DOP1A: variants seen among roughly 807,000 people sequenced by gnomAD.
The protein encoded by DOP1A is DOP1 leucine zipper like protein A.
DOP1A carries 90 observed loss-of-function variants against 267.6 expected under a neutral mutation model. The ratio of observed to expected loss-of-function variants is 0.34; its 90% CI spans 0.28 to 0.40. The LOEUF is 0.40. DOP1A is among the 10% of genes least tolerant of loss of function. The pLI is 1.00. For missense variants in DOP1A, 2,437 were observed against 2,900.4 expected, an observed-to-expected ratio of 0.84 and a Z score of 3.67; for synonymous variants, 932 against 999.1, an observed-to-expected ratio of 0.93 and a Z score of 1.27.
At position 83,153,537 on chromosome 6, in the gene DOP1A, T is replaced by A; in HGVS notation, c.6156T>A (p.Val2052=). ...SEVLAHLLDM[V]FYSDEKERVI... ...TTTTGGCTCATCTTTTGGATATGGT[T>A]TTCTATAGTGATGAAAAGGAGCGGG... Residue 2052 remains valine, a synonymous_variant, in exon 31 of 39, where the codon GTT becomes GTA. Transcript: ENST00000349129. 6.2e-7 allele frequency: 1 copy of A among 1,608,158 alleles called. No individual in the cohort carries two copies. The highest frequency in any genetic ancestry group is 8.5e-7 in the Non-Finnish European group (1 of 1,177,698).
rs371912278 is a variant in DOP1A at position 83,145,600 on chromosome 6, C to T, written c.5618C>T (p.Thr1873Ile). ...TCAATCAGTGTCATGAGAGCAGAAA[C>T]TGTTATCCAGACTGTAAAAGAAGTT... ...VRSISVMRAE[T>I]VIQTVKEVLK... Residue 1873 changes from threonine to isoleucine, a missense_variant, in exon 25 of 39, where the codon ACT (threonine) becomes ATT (isoleucine). Coordinates refer to ENST00000349129, the MANE Select transcript of DOP1A (RefSeq NM_015018.4). The T allele has an allele frequency of 1.9e-6, 3 of 1,613,250 alleles. No homozygotes were observed. Among genetic ancestry groups the T allele is most frequent in the Non-Finnish European group, 2.5e-6 (3 of 1,179,632 alleles).
At chr6:83,117,115 T>C (rs983503945) in intron 7 of DOP1A, among the ~76,000 whole-genome samples, 1 of 148,470 alleles carries the variant, frequency 6.7e-6, no homozygotes, top group Admixed American at 6.9e-5. Flanking sequence ...GTAATTTTAG[T>C]ACTTTTTTAT....
chr6:83,075,259 G>A (rs942715225), intron 1 of DOP1A, among the ~76,000 whole-genome samples: 9 of 152,064 alleles, frequency 5.9e-5, no homozygotes, highest in Admixed American at 2.6e-4. Flanking sequence ...ACTGTTTACC[G>A]TGGGTCAGGC....
chr6:83,146,415 T>A (rs1335350057), intron 25 of DOP1A, among the ~76,000 whole-genome samples: 1 of 152,228 alleles, frequency 6.6e-6, no homozygotes, highest in Non-Finnish European at 1.5e-5. Flanking sequence ...GGGAGTAAGA[T>A]GTGTGTGAAT....
chr6:83,159,977 A>G lies in DOP1A; in HGVS notation c.6962+17A>G. On this transcript the variant is annotated intron_variant, in intron 37 of 38. Transcript: ENST00000349129. Reference sequence around the variant, plus strand: ...GTTTCAGATGTAAGTAAAAGCAAGGATATTAAATGGTTATTTTTGAAAGTG... The same window carrying G: ...GTTTCAGATGTAAGTAAAAGCAAGGGTATTAAATGGTTATTTTTGAAAGTG... 1 of 1,612,276 alleles carries G rather than the reference A, an allele frequency of 6.2e-7. No homozygotes were observed. The highest frequency in any genetic ancestry group is 8.5e-7 in the Non-Finnish European group (1 of 1,179,236).
Position 83,071,953 on chromosome 6 carries a change from G to T in DOP1A, c.-147+4174G>T, listed in dbSNP as rs77791881. ...GTTAATATAATGTTTATCTGGCAAAGCTCCTGTATGAGTAGATGAGGTAAT... is the reference window on the plus strand; with the variant it reads ...GTTAATATAATGTTTATCTGGCAAATCTCCTGTATGAGTAGATGAGGTAAT... On this transcript the variant is annotated intron_variant, in intron 1 of 38. Coordinates refer to ENST00000349129, the MANE Select transcript of DOP1A (RefSeq NM_015018.4). Among the ~76,000 whole-genome samples, 375 of 152,254 alleles carry T rather than the reference G, an allele frequency of 2.5e-3. 2 individuals are homozygous for T. The highest frequency in any genetic ancestry group is 8.4e-3 in the African/African-American group (349 of 41,552).
At chr6:83,159,384 C>T (rs10943928) in intron 36 of DOP1A, among the ~76,000 whole-genome samples, 2 of 151,986 alleles carry the variant, frequency 1.3e-5, no homozygotes, top group African/African-American at 2.4e-5. Context: ...GGTGATTCCC[C>T]CACCTCAGCC....
At chr6:83,081,948 C>G (rs1018697060) in intron 1 of DOP1A, among the ~76,000 whole-genome samples, 1 of 152,148 alleles carries the variant, frequency 6.6e-6, no homozygotes, top group Admixed American at 6.5e-5. Flanking sequence ...CACTAATCAT[C>G]AGGTAACTGC....
chr6:83,135,045 T>A lies in DOP1A; in HGVS notation c.2871-574T>A, dbSNP rs559098825. On this transcript the variant is annotated intron_variant, in intron 19 of 38. Coordinates refer to ENST00000349129, the MANE Select transcript of DOP1A (RefSeq NM_015018.4). ...TATTGAACCTTTACTTTATAAATAA[T>A]CATCTCTTATTTGACAACCATCTTT... Among the ~76,000 whole-genome samples the A allele has an allele frequency of 5.3e-5, 8 of 152,280 alleles. No individual in the cohort carries two copies. The South Asian group carries it at 1.7e-3, about 32-fold the overall frequency.
At position 83,138,169 on chromosome 6, in the gene DOP1A, A is replaced by G. The variant is rs540371575; in HGVS notation, c.4127A>G (p.Tyr1376Cys). Residue 1376 changes from tyrosine (Y) to cysteine (C), a missense_variant, in exon 21 of 39, where the codon TAT becomes TGT. Coordinates refer to ENST00000349129, the MANE Select transcript of DOP1A (RefSeq NM_015018.4). ...CATGTGCTCCTGTATCTCCAGTTGTATGATTCATCCAGGACTTTGTATGCT... is the reference window on the plus strand; with the variant it reads ...CATGTGCTCCTGTATCTCCAGTTGTGTGATTCATCCAGGACTTTGTATGCT... ...YQHVLLYLQL[Y>C]DSSRTLYAFS... 6.8e-6 allele frequency: 11 copies of G among 1,613,910 alleles called. No individual in the cohort carries two copies. Among genetic ancestry groups the G allele is most frequent in the South Asian group, 1.1e-5 (1 of 91,080 alleles).
At chr6:83,155,833 T>G in intron 33 of DOP1A, 118 bp from the exon 34 acceptor site, 2 of 1,261,364 alleles carry the variant, frequency 1.6e-6, no homozygotes, top group Non-Finnish European at 2.2e-6. Context: ...GCATCAAGTT[T>G]TGTACCCCAA....
At chr6:83,127,021 G>A (rs1388931732) in intron 15 of DOP1A, among the ~76,000 whole-genome samples, 1 of 152,084 alleles carries the variant, frequency 6.6e-6, no homozygotes, top group Non-Finnish European at 1.5e-5. Flanking sequence ...GTTCCTGGGT[G>A]GGGAACATAG....
At chr6:83,079,527 A>T (rs1414489404) in intron 1 of DOP1A, among the ~76,000 whole-genome samples, 1 of 152,164 alleles carries the variant, frequency 6.6e-6, no homozygotes, top group Non-Finnish European at 1.5e-5. Flanking sequence ...ATGTTAACTT[A>T]TGTAAAAACC....
intron 12 of DOP1A, among the ~76,000 whole-genome samples, chr6:83,124,297 C>G (rs1408226570): frequency 6.6e-6 from 1 of 152,032 alleles, no homozygotes; most frequent in Non-Finnish European, 1.5e-5. Flanking sequence ...AGGACAGATG[C>G]ATTCTGATCA....
chr6:83,071,537 T>C (rs1054946324), intron 1 of DOP1A, among the ~76,000 whole-genome samples: 1 of 152,118 alleles, frequency 6.6e-6, no homozygotes, highest in Non-Finnish European at 1.5e-5. Flanking sequence ...GTCACTTAGC[T>C]CTGCCCTCGG....
chr6:83,162,732 A>G (rs1409197753), intron 37 of DOP1A, 58 bp from the exon 38 acceptor site: 2 of 1,534,300 alleles, frequency 1.3e-6, no homozygotes, highest in Non-Finnish European at 1.8e-6. Flanking sequence ...TATGTGGCCT[A>G]ATCTTAGATG....
intron 6 of DOP1A, among the ~76,000 whole-genome samples, chr6:83,112,350 A>C (rs9449576): frequency 0.028 from 4,311 of 151,572 alleles, 152 homozygotes; most frequent in East Asian, 0.083. Context: ...TTCATGTCAG[A>C]TGGGCAAAAA....
chr6:83,152,415 T>A, intron 30 of DOP1A, 48 bp downstream of exon 30: 1 of 870,192 alleles, frequency 1.1e-6, no homozygotes, highest in South Asian at 2.7e-5. Flanking sequence ...ACTGTTTCAT[T>A]ATTAAAAATT....
At position 83,128,996 on chromosome 6, in the gene DOP1A, C is replaced by G. The variant is rs1400222802; in HGVS notation, c.1829C>G (p.Ala610Gly). Residue 610 changes from alanine to glycine, a missense_variant, in exon 16 of 39, where the codon GCA becomes GGA. Ala to Gly is a moderately conservative substitution (Grantham distance 60). Around this residue, in one of 9 missense-constraint regions of DOP1A, gnomAD observed 498 missense variants for 513.5 expected, o/e 0.97. Transcript: ENST00000349129. ...TTCACTGAGTTTATACAATATCAAG[C>G]AGACCGAACTGATGATATTGACAGA... is the stretch of plus-strand genomic sequence containing the variant. Reference protein sequence around the residue: ...SGFTEFIQYQADRTDDIDREL... With the variant: ...SGFTEFIQYQGDRTDDIDREL... The G allele has an allele frequency of 3.1e-6, 5 of 1,612,546 alleles. No homozygotes were observed. The highest frequency in any genetic ancestry group is 4.2e-6 in the Non-Finnish European group (5 of 1,179,306).
Sources: allele counts gnomAD v4.1 joint callset (sites outside exome capture counted in the v4.1 genomes callset), GRCh38; gene constraint gnomAD v4.1.1; regional missense constraint gnomAD v4.1.1; transcripts MANE v1.5; gene names NCBI Gene and HGNC (gene_info 2026-07-23, HGNC 2026-07-21).